The following SHANK2 variants were observed in gnomAD, a reference collection of about 807,000 sequenced individuals.
SHANK2 encodes the protein SH3 and multiple ankyrin repeat domains protein 2.
Under a neutral mutation model 133.7 loss-of-function variants are expected in SHANK2, and 43 were observed. That is an observed-to-expected ratio of 0.32 (90% CI 0.25 to 0.41). SHANK2 has a LOEUF of 0.41. SHANK2 is among the 10% of genes least tolerant of loss of function. The probability of loss-of-function intolerance (pLI) is 1.00; values close to 1 mark genes in which losing one functional copy is unlikely to be tolerated. For synonymous variants in SHANK2, 1,017 were observed against 952.8 expected (o/e 1.07, Z -1.24); for missense variants, 1,994 against 2,235.8 (o/e 0.89, Z 2.18).
Position 70,486,713 on chromosome 11 carries a change from CGCTGCTCGCGGAGGGCACTGCTGG to C in SHANK2, c.3556_3579del (p.Pro1186_Ser1193del), listed in dbSNP as rs1190802396. ...ACATAATTCCCGGGGCCGGCTGTGC[CGCTGCTCGCGGAGGGCACTGCTGG>C]GCTGCTCTCGGGCCCCTGGGCTTTG... On this transcript the variant is annotated inframe_deletion, in exon 25 of 26. Transcript: ENST00000601538. The surrounding 1 kb of genome is among the most constrained non-coding windows in gnomAD (Gnocchi z 8.0). 1 of 1,610,320 alleles carries C rather than the reference CGCTGCTCGCGGAGGGCACTGCTGG, an allele frequency of 6.2e-7. No individual in the cohort carries two copies. The highest frequency in any genetic ancestry group is 8.5e-7 in the Non-Finnish European group (1 of 1,179,936).
intron 9 of SHANK2, among the ~76,000 whole-genome samples, chr11:71,071,795 T>G (rs1198191698): frequency 6.6e-6 from 1 of 152,118 alleles, no homozygotes; most frequent in Non-Finnish European, 1.5e-5. Context: ...AGGATGAGGC[T>G]TGAGATTCCA....
intron 10 of SHANK2, among the ~76,000 whole-genome samples, chr11:70,927,013 C>T (rs953098035): frequency 6.6e-6 from 1 of 152,028 alleles, no homozygotes; most frequent in Non-Finnish European, 1.5e-5. Context: ...TTAAAACAGG[C>T]AAAAGCCGGT....
intron 9 of SHANK2, among the ~76,000 whole-genome samples, chr11:71,070,619 G>T (rs1214544587): frequency 2.0e-5 from 3 of 152,186 alleles, no homozygotes; most frequent in Admixed American, 6.5e-5. Flanking sequence ...AGGAGATGCA[G>T]CCTTCCATTC....
At position 70,774,859 on chromosome 11, in the gene SHANK2, C is replaced by T. The variant is rs1226409995; in HGVS notation, c.1777+23584G>A. Among the ~76,000 whole-genome samples the T allele has an allele frequency of 5.3e-5, 8 of 152,076 alleles. No homozygotes were observed. In the South Asian group the frequency reaches 1.0e-3, roughly 20 times the overall value. The stretch of plus-strand genomic sequence containing the variant: ...TAAAACTAAACAGGCGAGGGTTAAC[C>T]GTCAAAATTTGATTTTAGGCCAGGT... On this transcript the variant is annotated intron_variant, in intron 14 of 25. Coordinates refer to ENST00000601538, the MANE Select transcript of SHANK2 (RefSeq NM_012309.5).
chr11:70,820,936 A>T (rs1948506428), intron 11 of SHANK2, among the ~76,000 whole-genome samples: 1 of 152,174 alleles, frequency 6.6e-6, no homozygotes, highest in South Asian at 2.1e-4. Flanking sequence ...AGTACTTCGC[A>T]TGGAAGGGAC....
In SHANK2 at chr11:70,486,883, C is replaced by T. The variant is rs373646675; in HGVS notation, c.3410G>A (p.Ser1137Asn). The T allele has an allele frequency of 3.2e-5, 51 of 1,612,630 alleles. No homozygotes were observed. Among genetic ancestry groups the T allele is most frequent in the Non-Finnish European group, 3.8e-5 (45 of 1,179,906 alleles). Reference protein sequence around the residue: ...PEEGDFADEDSAEQLSSPMPS... With the variant: ...PEEGDFADEDNAEQLSSPMPS... ...CATGGGGGATGACAGCTGCTCAGCG[C>T]TGTCCTCGTCAGCAAAATCCCCCTC... The change falls in exon 25 of 26, where the codon AGC (serine) becomes AAC (asparagine). Residue 1137 changes from serine (S) to asparagine (N), a missense_variant. Ser to Asn is a conservative substitution (Grantham distance 46, BLOSUM62 1). Coordinates refer to ENST00000601538, the MANE Select transcript of SHANK2 (RefSeq NM_012309.5). The surrounding 1 kb of genome is among the most constrained non-coding windows in gnomAD (Gnocchi z 8.0).
chr11:71,126,623 T>C (rs1952193218), intron 3 of SHANK2, among the ~76,000 whole-genome samples: 1 of 152,188 alleles, frequency 6.6e-6, no homozygotes, highest in African/African-American at 2.4e-5. Flanking sequence ...CTGGAAAGAA[T>C]TTAGCATTCC....
rs782020182 is a variant in SHANK2 at position 70,487,788 on chromosome 11, C to T, written c.2573-68G>A. 107 of 1,549,312 alleles carry T rather than the reference C, an allele frequency of 6.9e-5. No individual in the cohort carries two copies. The highest frequency in any genetic ancestry group is 1.2e-4 in the Admixed American group (6 of 50,988). On this transcript the variant is annotated intron_variant, in intron 24 of 25. Transcript: ENST00000601538. This position sits in a 1 kb window ranked among gnomAD's most constrained non-coding sequence, Gnocchi z 5.8. ...CAAAGCCTAAGTTCCTAGGAACGTG[C>T]GATACGCTACATCTCCACAAACTCA...
intron 14 of SHANK2, among the ~76,000 whole-genome samples, chr11:70,793,206 G>A (rs1378349237): frequency 1.3e-5 from 2 of 152,234 alleles, no homozygotes; most frequent in African/African-American, 4.8e-5. Flanking sequence ...CAACTTACAT[G>A]TGGATTTTTC....
chr11:70,698,913 C>G, intron 14 of SHANK2, 150 bp from the exon 15 acceptor site: 3 of 691,796 alleles, frequency 4.3e-6, no homozygotes, highest in Non-Finnish European at 7.9e-6. Context: ...AAAATGAGGC[C>G]TGGTTCTGGG....
chr11:70,689,551 A>T (rs1468409690), intron 15 of SHANK2, among the ~76,000 whole-genome samples: 1 of 152,222 alleles, frequency 6.6e-6, no homozygotes, highest in Non-Finnish European at 1.5e-5. Flanking sequence ...TCTAGGGAGG[A>T]AAATAAAGGG....
At chr11:70,913,125 C>G (rs1388217397) in intron 10 of SHANK2, among the ~76,000 whole-genome samples, 1 of 151,212 alleles carries the variant, frequency 6.6e-6, no homozygotes, top group Non-Finnish European at 1.5e-5. Flanking sequence ...CTCTCACAGC[C>G]TCCTGGTATG....
At chr11:70,808,547 A>C (rs1396756125) in intron 12 of SHANK2, among the ~76,000 whole-genome samples, 1 of 139,310 alleles carries the variant, frequency 7.2e-6, no homozygotes, top group Non-Finnish European at 1.5e-5. Context: ...CAACATGATG[A>C]AACCCTATTT....
chr11:71,120,617 T>A (rs528786285), intron 3 of SHANK2, among the ~76,000 whole-genome samples: 7 of 152,298 alleles, frequency 4.6e-5, no homozygotes, highest in Non-Finnish European at 1.0e-4. Context: ...AGCTCACGTG[T>A]GGCTCTCAAA....
intron 14 of SHANK2, among the ~76,000 whole-genome samples, chr11:70,712,361 G>A (rs141882480): frequency 1.4e-3 from 208 of 152,284 alleles, no homozygotes; most frequent in African/African-American, 4.7e-3. Context: ...TGAGGCTGAT[G>A]TATTCAGAGC....
chr11:70,825,126 G>T (rs1462789191), intron 11 of SHANK2, among the ~76,000 whole-genome samples: 1 of 152,094 alleles, frequency 6.6e-6, no homozygotes, highest in Admixed American at 6.5e-5. Flanking sequence ...CTCTTTTTCT[G>T]ACCCTTGTAA....
Position 70,683,789 on chromosome 11 carries a change from G to GTT in SHANK2, c.1853+14897_1853+14898dup, listed in dbSNP as rs797024653. On this transcript the variant is annotated intron_variant, in intron 15 of 25. Transcript: ENST00000601538. The stretch of plus-strand genomic sequence containing the variant: ...CTTCTAGCTTCATGATCTCCTTTTT[G>GTT]TTTTTTTTTTTTCAGACAGAGTCTC... Among the ~76,000 whole-genome samples, 187 of 143,846 alleles carry GTT rather than the reference G, an allele frequency of 1.3e-3. 1 individual carries two copies. The highest frequency in any genetic ancestry group is 4.5e-3 in the African/African-American group (178 of 39,440). The allele number at this position is 143,846 out of a possible 152,430, so 94.4% of individuals were successfully genotyped here. A position where few individuals can be genotyped will look rare whatever the true frequency, so the allele number is the denominator to read the frequency against.
intron 14 of SHANK2, among the ~76,000 whole-genome samples, chr11:70,773,421 G>A (rs1947297636): frequency 6.6e-6 from 1 of 152,214 alleles, no homozygotes; most frequent in African/African-American, 2.4e-5. Flanking sequence ...TAGCAATGGT[G>A]CTTTGGAAGG....
At chr11:71,195,844 T>C (rs1953893224) in intron 2 of SHANK2, among the ~76,000 whole-genome samples, 1 of 152,188 alleles carries the variant, frequency 6.6e-6, no homozygotes, top group Non-Finnish European at 1.5e-5. Flanking sequence ...AGAAAGGACC[T>C]GGTGTTGGTA....
Sources: allele counts gnomAD v4.1 joint callset (sites outside exome capture counted in the v4.1 genomes callset), GRCh38; gene constraint gnomAD v4.1.1; non-coding constraint Gnocchi (gnomAD v3.1); transcripts MANE v1.5; gene names NCBI Gene and HGNC (gene_info 2026-07-23, HGNC 2026-07-21).